SPAG16: variants seen among roughly 807,000 people sequenced by gnomAD.
SPAG16 encodes the protein sperm associated antigen 16, also known as sperm-associated antigen 16 protein.
Under a neutral mutation model 80.4 loss-of-function variants are expected in SPAG16, and 86 were observed. The ratio of observed to expected loss-of-function variants is 1.07; its 90% confidence interval spans 0.90 to 1.28. The LOEUF is 1.28. Ranked by LOEUF, SPAG16 falls within the 50% of genes most tolerant of loss-of-function variation. The pLI, the probability that SPAG16 is intolerant of heterozygous loss-of-function variation, is 0.00. For synonymous variants in SPAG16, 294 were observed against 265.9 expected (o/e 1.11, Z -1.03); for missense variants, 870 against 765.3 (o/e 1.14, Z -1.61).
intron 15 of SPAG16, among the ~76,000 whole-genome samples, chr2:214,338,894 G>GT (rs1697478747): frequency 6.6e-6 from 1 of 152,164 alleles, no homozygotes; most frequent in African/African-American, 2.4e-5. Context: ...TTGAACTAAA[G>GT]TAGTTACATC....
At chr2:213,891,148 A>T (rs1380257308) in intron 11 of SPAG16, among the ~76,000 whole-genome samples, 1 of 152,052 alleles carries the variant, frequency 6.6e-6, no homozygotes, top group African/African-American at 2.4e-5. Context: ...CAATTTTACT[A>T]TGGTTATTTC....
chr2:214,386,325 G>A (rs1700748747), intron 15 of SPAG16, among the ~76,000 whole-genome samples: 2 of 152,206 alleles, frequency 1.3e-5, no homozygotes, highest in South Asian at 4.1e-4. Flanking sequence ...AGAAGTGGCA[G>A]TGAGGTGATG....
chr2:213,642,684 A>G lies in SPAG16; in HGVS notation c.1070+152594A>G, dbSNP rs1227570181. Among the ~76,000 whole-genome samples the G allele has an allele frequency of 4.9e-5, 3 of 61,310 alleles. 1 individual carries two copies. Among genetic ancestry groups the G allele is most frequent in the East Asian group, 7.9e-4 (2 of 2,536 alleles). 40.2% of individuals were successfully genotyped at this position (61,310 alleles called of 152,430 possible). ...AAAATACAAAAAATTAGCCGGGCGT[A>G]GTGGCGGGCGCCTGTAGTCCCAGCT... On this transcript the variant is annotated intron_variant, in intron 10 of 15. Coordinates refer to ENST00000331683, the MANE Select transcript of SPAG16 (RefSeq NM_024532.5).
chr2:213,332,721 T>C (rs940167404), intron 5 of SPAG16, among the ~76,000 whole-genome samples: 3 of 152,156 alleles, frequency 2.0e-5, no homozygotes, highest in Non-Finnish European at 2.9e-5. Flanking sequence ...TGATTCAACA[T>C]ATGCAAGTTA....
chr2:213,889,991 G>C (rs891771357), intron 11 of SPAG16, among the ~76,000 whole-genome samples: 2 of 151,956 alleles, frequency 1.3e-5, no homozygotes, highest in African/African-American at 4.8e-5. Context: ...GGTGGTAGAT[G>C]CAGATGAAAT....
intron 10 of SPAG16, among the ~76,000 whole-genome samples, chr2:213,555,971 G>C (rs1037955627): frequency 6.6e-6 from 1 of 152,070 alleles, no homozygotes. Context: ...TGAAAGCATA[G>C]ATTTATTTTA....
chr2:213,474,819 C>T lies in SPAG16; in HGVS notation c.943-15144C>T, dbSNP rs538498987. The stretch of plus-strand genomic sequence containing the variant: ...TATACTGGCAGCTGATTAGTTGGTG[C>T]CCACCCAGATTAAGAGTTGGTCTGA... On this transcript the variant is annotated intron_variant, in intron 9 of 15. Transcript: ENST00000331683. Among the ~76,000 whole-genome samples, 249 of 152,208 alleles carry T rather than the reference C, an allele frequency of 1.6e-3. 1 individual carries two copies. The highest frequency in any genetic ancestry group is 5.8e-3 in the African/African-American group (242 of 41,536).
chr2:214,323,118 T>C (rs1696218804), intron 15 of SPAG16, among the ~76,000 whole-genome samples: 1 of 152,194 alleles, frequency 6.6e-6, no homozygotes. Flanking sequence ...ACCTATCCTG[T>C]TGAGGATGGC....
intron 9 of SPAG16, among the ~76,000 whole-genome samples, chr2:213,467,956 C>A (rs1424363613): frequency 6.6e-6 from 1 of 152,056 alleles, no homozygotes; most frequent in Non-Finnish European, 1.5e-5. Flanking sequence ...TACCTTTTTT[C>A]TTGTGTCTCC....
At chr2:213,488,522 G>A (rs1305188102) in intron 9 of SPAG16, among the ~76,000 whole-genome samples, 2 of 152,096 alleles carry the variant, frequency 1.3e-5, no homozygotes, top group African/African-American at 4.8e-5. Context: ...TAAGTAAAAT[G>A]TGGCATTCAT....
intron 7 of SPAG16, 63 bp downstream of exon 7, chr2:213,350,708 A>C: frequency 1.1e-6 from 1 of 872,406 alleles, no homozygotes; most frequent in Non-Finnish European, 1.7e-6. Context: ...TAATACAAGT[A>C]GAAATACTGA....
intron 10 of SPAG16, among the ~76,000 whole-genome samples, chr2:213,672,162 TG>T (rs1250865355): frequency 6.6e-6 from 1 of 150,512 alleles, no homozygotes; most frequent in African/African-American, 2.5e-5. Context: ...CTGAATCTAC[TG>T]AATTTCTTTG....
intron 8 of SPAG16, among the ~76,000 whole-genome samples, chr2:213,374,014 G>A (rs2066768405): frequency 6.6e-6 from 1 of 152,042 alleles, no homozygotes; most frequent in South Asian, 2.1e-4. Context: ...AGATGCTGTG[G>A]GACTCTAGCT....
intron 10 of SPAG16, among the ~76,000 whole-genome samples, chr2:213,619,769 T>C (rs2125047852): frequency 6.6e-6 from 1 of 152,234 alleles, no homozygotes; most frequent in South Asian, 2.1e-4. Context: ...CTCAAAAAAC[T>C]AACAATAAAA....
intron 15 of SPAG16, among the ~76,000 whole-genome samples, chr2:214,356,966 T>C (rs1698850923): frequency 1.3e-5 from 2 of 151,960 alleles, no homozygotes; most frequent in African/African-American, 4.8e-5. Context: ...TTGTCTCTAA[T>C]ACCCTCATTT....
At chr2:213,308,520 G>T (rs949636341) in intron 3 of SPAG16, among the ~76,000 whole-genome samples, 30 of 152,112 alleles carry the variant, frequency 2.0e-4, no homozygotes, top group African/African-American at 7.2e-4. Context: ...CAAAGCTTGA[G>T]GATAGCCACC....
chr2:213,395,999 T>G (rs2125316556), intron 9 of SPAG16, among the ~76,000 whole-genome samples: 1 of 151,102 alleles, frequency 6.6e-6, no homozygotes, highest in African/African-American at 2.4e-5. Flanking sequence ...CTAGTTTCCA[T>G]GCATACATGA....
At chr2:213,484,511 T>C (rs1217189052) in intron 9 of SPAG16, among the ~76,000 whole-genome samples, 1 of 152,118 alleles carries the variant, frequency 6.6e-6, no homozygotes, top group Non-Finnish European at 1.5e-5. Context: ...AATGAAATAA[T>C]GAGGGCACAG....
At chr2:213,546,194 A>G (rs1230435450) in intron 10 of SPAG16, among the ~76,000 whole-genome samples, 2 of 152,010 alleles carry the variant, frequency 1.3e-5, no homozygotes, top group Non-Finnish European at 2.9e-5. Flanking sequence ...ATTTTTTTAA[A>G]TCCTCTTTTG....
Sources: gnomAD v4.1 joint callset for allele counts (sites outside exome capture counted in the v4.1 genomes callset) on GRCh38, gnomAD v4.1.1 for gene constraint, MANE v1.5 for transcripts, NCBI Gene and HGNC (gene_info 2026-07-23, HGNC 2026-07-21) for gene names.